KCNK6: variants seen among roughly 807,000 people sequenced by gnomAD.
KCNK6 encodes the protein potassium channel subfamily K member 6.
KCNK6 carries 20 observed loss-of-function variants against 21.9 expected under a neutral mutation model. The observed-to-expected ratio is 0.91, with a 90% CI of 0.64 to 1.32. KCNK6 has a LOEUF of 1.32. Ranked by LOEUF, KCNK6 falls within the 40% of genes most tolerant of loss-of-function variation. The probability of loss-of-function intolerance (pLI) is 0.00; values close to 1 mark genes in which losing one functional copy is unlikely to be tolerated. For synonymous variants in KCNK6, 210 were observed against 218.0 expected, an observed-to-expected ratio of 0.96 and a Z score of 0.32; for missense variants, 415 against 433.1, an observed-to-expected ratio of 0.96 and a Z score of 0.37.
In KCNK6 at chr19:38,327,737, G is replaced by A. The variant is rs148325841; in HGVS notation, c.*334G>A. On this transcript the variant is annotated 3_prime_UTR_variant, in exon 3 of 3. Coordinates refer to ENST00000263372, the MANE Select transcript of KCNK6 (RefSeq NM_004823.3). ...TGTTTCTCATTCTCTTTCATGTTCCGTCTGTGTCTCTCAATTAACCACTCG... is the reference window on the plus strand; with the variant it reads ...TGTTTCTCATTCTCTTTCATGTTCCATCTGTGTCTCTCAATTAACCACTCG... 400 of 348,746 alleles carry A rather than the reference G, an allele frequency of 1.1e-3. 1 individual carries two copies. Among genetic ancestry groups the A allele is most frequent in the African/African-American group, 5.5e-3 (261 of 47,588 alleles). The allele number at this position is 348,746 out of a possible 1,614,324, so 21.6% of individuals were successfully genotyped here.
Position 38,326,750 on chromosome 19 carries a change from T to C in KCNK6, c.480T>C (p.Arg160=), listed in dbSNP as rs1969712554. Residue 160 remains arginine, a synonymous_variant, in exon 2 of 3, where the codon CGT becomes CGC. Transcript: ENST00000263372. The stretch of plus-strand genomic sequence containing the variant: ...TGCCCCTGTCTTGGCTGAGCATGCG[T>C]TGGGGCTGGGACCCCCGGCGGGCGG... ...THVPLSWLSM[R]WGWDPRRAAC... is the part of the protein sequence containing the mutation. The C allele has an allele frequency of 1.9e-6, 3 of 1,604,466 alleles. No individual in the cohort carries two copies. Among genetic ancestry groups the C allele is most frequent in the East Asian group, 2.2e-5 (1 of 44,876 alleles).
intron 1 of KCNK6, among the ~76,000 whole-genome samples, chr19:38,322,614 C>G (rs1015550492): frequency 6.6e-6 from 1 of 152,082 alleles, no homozygotes; most frequent in Admixed American, 6.5e-5. Flanking sequence ...GTTAGGAGTT[C>G]GAGACCAGCC....
At chr19:38,322,079 C>T (rs1479174657) in intron 1 of KCNK6, among the ~76,000 whole-genome samples, 1 of 152,162 alleles carries the variant, frequency 6.6e-6, no homozygotes, top group African/African-American at 2.4e-5. Context: ...GTGAGGCAGG[C>T]GCCTTTATAG....
chr19:38,322,524 G>A (rs1969662183), intron 1 of KCNK6, among the ~76,000 whole-genome samples: 1 of 152,170 alleles, frequency 6.6e-6, no homozygotes, highest in African/African-American at 2.4e-5. Context: ...TATTGAGAGG[G>A]GGTGGATGAG....
intron 1 of KCNK6, among the ~76,000 whole-genome samples, chr19:38,320,834 C>A (rs906300585): frequency 7.9e-5 from 12 of 152,148 alleles, no homozygotes; most frequent in Non-Finnish European, 1.6e-4. Flanking sequence ...GCTGGCATTA[C>A]AGGCTTGAGC....
chr19:38,328,884 G>T lies in KCNK6; in HGVS notation c.*1481G>T, dbSNP rs1305448048. ...AAAGAAAGAAAGAAAGAGAGAGAAA[G>T]AAAGAAAGAAAGAAAGGGAAAGATG... On this transcript the variant is annotated 3_prime_UTR_variant, in exon 3 of 3. Transcript: ENST00000263372. The T allele has an allele frequency of 7.3e-6, 1 of 137,736 alleles. No individual in the cohort carries two copies. The highest frequency in any genetic ancestry group is 2.1e-4 in the East Asian group (1 of 4,810). The allele number at this position is 137,736 out of a possible 1,614,324, so 8.5% of individuals were successfully genotyped here. A position where few individuals can be genotyped will look rare whatever the true frequency, so the allele number is the denominator to read the frequency against.
At chr19:38,320,356 G>A in intron 1 of KCNK6, 84 bp downstream of exon 1, 2 of 1,418,510 alleles carry the variant, frequency 1.4e-6, no homozygotes, top group Non-Finnish European at 1.9e-6. Flanking sequence ...GGGCCCTCAC[G>A]AATACCCTTA....
In KCNK6 at chr19:38,328,458, A is replaced by G. The variant is rs73041302; in HGVS notation, c.*1055A>G. 0.17 allele frequency: 25,841 copies of G among 152,206 alleles called. 2,485 individuals carry two copies. Among genetic ancestry groups the G allele is most frequent in the South Asian group, 0.25 (1,228 of 4,828 alleles). 9.4% of individuals were successfully genotyped at this position (152,206 alleles called of 1,614,324 possible). On this transcript the variant is annotated 3_prime_UTR_variant, in exon 3 of 3. Transcript: ENST00000263372. ...GTTGAGCTCAAATCCCAACTTAGCC[A>G]CGTCTGGCCTGTGTCCTTGGGCAGT...
chr19:38,328,538 A>T lies in KCNK6; in HGVS notation c.*1135A>T, dbSNP rs1356010493. ...TCTGTAAAATGGTGATCATCATAAT[A>T]CAACTTCAAAAGGATTTCAGGCTGA... On this transcript the variant is annotated 3_prime_UTR_variant, in exon 3 of 3. Coordinates refer to ENST00000263372, the MANE Select transcript of KCNK6 (RefSeq NM_004823.3). 6.6e-6 allele frequency: 1 copy of T among 152,250 alleles called. No homozygotes were observed. The highest frequency in any genetic ancestry group is 1.5e-5 in the Non-Finnish European group (1 of 68,074). The allele number at this position is 152,250 out of a possible 1,614,324, so 9.4% of individuals were successfully genotyped here. A position where few individuals can be genotyped will look rare whatever the true frequency, so the allele number is the denominator to read the frequency against.
chr19:38,325,414 C>T (rs766754354), intron 1 of KCNK6: 2 of 985,508 alleles, frequency 2.0e-6, no homozygotes, highest in Non-Finnish European at 2.4e-6. Context: ...CACGCCTGGC[C>T]CATTGTCTCG....
intron 1 of KCNK6, chr19:38,325,350 C>T (rs1484597225): frequency 1.0e-6 from 1 of 955,824 alleles, no homozygotes; most frequent in African/African-American, 1.8e-5. Flanking sequence ...CTCCTGACCT[C>T]ATAATCTGCC....
Position 38,327,450 on chromosome 19 carries a change from G to A in KCNK6, c.*47G>A, listed in dbSNP as rs1396428477. The A allele has an allele frequency of 5.1e-6, 8 of 1,564,400 alleles. No homozygotes were observed. Among genetic ancestry groups the A allele is most frequent in the Non-Finnish European group, 6.1e-6 (7 of 1,151,534 alleles). ...TTGGGTGTGCCTGGCCTGGGACTGA[G>A]GGGTCCAGGCGACCAGAGCTGGCTG... is the stretch of plus-strand genomic sequence containing the variant. On this transcript the variant is annotated 3_prime_UTR_variant, in exon 3 of 3. Coordinates refer to ENST00000263372, the MANE Select transcript of KCNK6 (RefSeq NM_004823.3).
Position 38,328,666 on chromosome 19 carries a change from C to T in KCNK6, c.*1263C>T, listed in dbSNP as rs1030649350. 1 of 152,168 alleles carries T rather than the reference C, an allele frequency of 6.6e-6. No individual in the cohort carries two copies. The highest frequency in any genetic ancestry group is 2.4e-5 in the African/African-American group (1 of 41,418). 9.4% of individuals were successfully genotyped at this position (152,168 alleles called of 1,614,324 possible). On this transcript the variant is annotated 3_prime_UTR_variant, in exon 3 of 3. Transcript: ENST00000263372. ...ACTAGCCTAGGCAACACAGTGAGGC[C>T]TTATCTCAACAACAACCACAAAATC...
rs113480686 is a variant in KCNK6, at chr19:38,330,325, C to CA, written c.*2937dup. ...CCTGGGCGAAACAGAGACTCTGTCTCAAAAAAAAAAAAAAAGTCATAGGGG... is the reference window on the plus strand; with the variant it reads ...CCTGGGCGAAACAGAGACTCTGTCTCAAAAAAAAAAAAAAAAGTCATAGGGG... On this transcript the variant is annotated 3_prime_UTR_variant, in exon 3 of 3. Coordinates refer to ENST00000263372, the MANE Select transcript of KCNK6 (RefSeq NM_004823.3). 2,386 of 111,352 alleles carry CA rather than the reference C, an allele frequency of 0.021. 22 individuals carry two copies. Among genetic ancestry groups the CA allele is most frequent in the Admixed American group, 0.037 (379 of 10,136 alleles). The allele number at this position is 111,352 out of a possible 1,614,324, so 6.9% of individuals were successfully genotyped here. A position where few individuals can be genotyped will look rare whatever the true frequency, so the allele number is the denominator to read the frequency against.
In KCNK6 at chr19:38,327,446, C is replaced by A; in HGVS notation, c.*43C>A. On this transcript the variant is annotated 3_prime_UTR_variant, in exon 3 of 3. Coordinates refer to ENST00000263372, the MANE Select transcript of KCNK6 (RefSeq NM_004823.3). ...AGGCTTGGGTGTGCCTGGCCTGGGACTGAGGGGTCCAGGCGACCAGAGCTG... is the reference window on the plus strand; with the variant it reads ...AGGCTTGGGTGTGCCTGGCCTGGGAATGAGGGGTCCAGGCGACCAGAGCTG... 6.3e-7 allele frequency: 1 copy of A among 1,577,122 alleles called. No homozygotes were observed.
intron 1 of KCNK6, among the ~76,000 whole-genome samples, chr19:38,323,078 A>C (rs1245415952): frequency 6.6e-6 from 1 of 152,204 alleles, no homozygotes; most frequent in African/African-American, 2.4e-5. Context: ...TCGCCCCTGC[A>C]CTCCAGGCTG....
At chr19:38,325,426 C>G in intron 1 of KCNK6, 1 of 985,466 alleles carries the variant, frequency 1.0e-6, no homozygotes. Context: ...ATTGTCTCGC[C>G]CATTTTAGAA....
chr19:38,321,929 C>T (rs536493238), intron 1 of KCNK6, among the ~76,000 whole-genome samples: 7 of 152,352 alleles, frequency 4.6e-5, no homozygotes, highest in African/African-American at 9.6e-5. Flanking sequence ...TGCTCAGCCG[C>T]GGCTCATTGC....
intron 1 of KCNK6, among the ~76,000 whole-genome samples, chr19:38,323,589 C>T (rs182098719): frequency 1.3e-5 from 2 of 152,310 alleles, no homozygotes; most frequent in African/African-American, 4.8e-5. Context: ...ATTACTACCA[C>T]ATTTGAGGAA....
Sources: gnomAD v4.1 joint callset for allele counts (sites outside exome capture counted in the v4.1 genomes callset) on GRCh38, gnomAD v4.1.1 for gene constraint, MANE v1.5 for transcripts, NCBI Gene and HGNC (gene_info 2026-07-23, HGNC 2026-07-21) for gene names.